Variants in COQ5 observed in about 807,000 individuals in gnomAD.
COQ5 encodes 2-methoxy-6-polyprenyl-1,4-benzoquinol methylase, mitochondrial.
COQ5 carries 27 observed loss-of-function variants against 40.5 expected under a neutral mutation model. That is an observed-to-expected ratio of 0.67 (90% CI 0.49 to 0.92). COQ5 has a LOEUF of 0.92. Among genes scored for constraint, COQ5 ranks in the 40% least tolerant of loss-of-function variants. COQ5 has a pLI of 0.00. For synonymous variants in COQ5, 141 were observed against 150.0 expected (o/e 0.94, Z 0.44); for missense variants, 409 against 406.4 (o/e 1.01, Z -0.06).
intron 1 of COQ5, 82 bp downstream of exon 1, chr12:120,528,858 T>C (rs375196065): frequency 3.9e-6 from 5 of 1,267,488 alleles, no homozygotes. Context: ...ACTAATTGGA[T>C]GTTAAATCAA....
chr12:120,527,959 C>A (rs1274541498), intron 1 of COQ5, among the ~76,000 whole-genome samples: 1 of 121,288 alleles, frequency 8.2e-6, no homozygotes, highest in Non-Finnish European at 1.6e-5. Context: ...TGCCTTCCAG[C>A]CTGGGGGTGA....
chr12:120,519,947 C>A (rs1452326630), intron 2 of COQ5, among the ~76,000 whole-genome samples: 3 of 151,556 alleles, frequency 2.0e-5, no homozygotes, highest in Non-Finnish European at 4.4e-5. Flanking sequence ...CTAAATTACC[C>A]TCTACAGAGC....
intron 2 of COQ5, 127 bp downstream of exon 2, chr12:120,522,087 G>T (rs1228691985): frequency 2.2e-6 from 2 of 907,788 alleles, no homozygotes; most frequent in Non-Finnish European, 1.7e-6. Flanking sequence ...TTTCTCAGAA[G>T]TTATAAGTAT....
intron 1 of COQ5, chr12:120,526,484 C>T (rs1268816510): frequency 2.2e-6 from 1 of 455,160 alleles, no homozygotes; most frequent in Non-Finnish European, 4.4e-6. Context: ...GGAGCTGTGA[C>T]AAAAAGGTTG....
chr12:120,509,101 C>A (rs1323698630), intron 4 of COQ5, among the ~76,000 whole-genome samples: 1 of 151,958 alleles, frequency 6.6e-6, no homozygotes, highest in Admixed American at 6.6e-5. Context: ...GCAAACCAAG[C>A]TGATGAACAC....
At chr12:120,519,707 C>T (rs1443601887) in intron 2 of COQ5, among the ~76,000 whole-genome samples, 1 of 151,942 alleles carries the variant, frequency 6.6e-6, no homozygotes, top group African/African-American at 2.4e-5. Flanking sequence ...TCCGTCTCTA[C>T]TAAAAATACA....
At chr12:120,516,523 A>T in intron 3 of COQ5, 44 bp downstream of exon 3, 1 of 1,443,256 alleles carries the variant, frequency 6.9e-7, no homozygotes, top group South Asian at 1.1e-5. Flanking sequence ...TTATTCTATA[A>T]AGATACAAAT....
At chr12:120,512,531 C>T (rs1384974679) in intron 3 of COQ5, among the ~76,000 whole-genome samples, 7 of 150,488 alleles carry the variant, frequency 4.7e-5, no homozygotes, top group Admixed American at 2.6e-4. Context: ...AACCGGGAGG[C>T]GGAGGTTGCA....
intron 4 of COQ5, among the ~76,000 whole-genome samples, chr12:120,505,807 C>T (rs982059655): frequency 4.6e-5 from 7 of 151,888 alleles, no homozygotes; most frequent in Non-Finnish European, 8.8e-5. Context: ...CTGCCAGCCT[C>T]GGCCTCCCAA....
Position 120,504,929 on chromosome 12 carries a change from C to A in COQ5, c.736G>T (p.Glu246Ter), listed in dbSNP as rs749890516. ...LKPGGRFLCLEFSQVNNPLIS... is the reference protein window; with the variant it reads ...LKPGGRFLCL ...AGGGGATTGTTCACTTGGCTAAATTCCAGACAGAGAAACCGTCCTCCTGGT... is the reference window on the plus strand; with the variant it reads ...AGGGGATTGTTCACTTGGCTAAATTACAGACAGAGAAACCGTCCTCCTGGT... Residue 246 changes from glutamate (E) to a stop codon, truncating the protein, a stop_gained, in exon 5 of 7, where the codon GAA becomes TAA. Coordinates refer to ENST00000288532, the MANE Select transcript of COQ5 (RefSeq NM_032314.4). LOFTEE classifies it high-confidence loss of function. 5 of 1,614,036 alleles carry A rather than the reference C, an allele frequency of 3.1e-6. No homozygotes were observed. The highest frequency in any genetic ancestry group is 4.2e-6 in the Non-Finnish European group (5 of 1,180,042).
At chr12:120,509,234 A>T (rs1362407283) in intron 4 of COQ5, among the ~76,000 whole-genome samples, 2 of 150,892 alleles carry the variant, frequency 1.3e-5, no homozygotes, top group Non-Finnish European at 3.0e-5. Context: ...GTAGGAATAA[A>T]GGCCAGGCAT....
chr12:120,510,617 G>A (rs1869087248), intron 3 of COQ5, among the ~76,000 whole-genome samples: 1 of 152,112 alleles, frequency 6.6e-6, no homozygotes, highest in Non-Finnish European at 1.5e-5. Flanking sequence ...CCTGGCCTGT[G>A]TATTCTTGAA....
chr12:120,504,076 T>A lies in COQ5; in HGVS notation c.776A>T (p.Tyr259Phe), dbSNP rs199710656. 5 of 1,591,962 alleles carry A rather than the reference T, an allele frequency of 3.1e-6. No individual in the cohort carries two copies. The African/African-American group carries it at 5.4e-5, about 17-fold the overall frequency. ...GATGACCTGGAAGCTATATAGATCA[T>A]AAAGCCTAGGCAAACAAAAAGGTAA... The part of the protein sequence containing the change: ...QVNNPLISRL[Y>F]DLYSFQVIPV... Residue 259 changes from tyrosine to phenylalanine, a missense_variant, in exon 6 of 7, where the codon TAT (tyrosine) becomes TTT (phenylalanine). Tyr to Phe is a conservative substitution (Grantham distance 22, BLOSUM62 3). Transcript: ENST00000288532.
At chr12:120,520,081 C>T (rs1393713935) in intron 2 of COQ5, among the ~76,000 whole-genome samples, 3 of 151,586 alleles carry the variant, frequency 2.0e-5, no homozygotes, top group Non-Finnish European at 2.9e-5. Context: ...ATTACTCTAT[C>T]GTTACTAATT....
At chr12:120,505,977 T>C (rs1868866776) in intron 4 of COQ5, among the ~76,000 whole-genome samples, 1 of 152,040 alleles carries the variant, frequency 6.6e-6, no homozygotes, top group Non-Finnish European at 1.5e-5. Flanking sequence ...TGCCTCAGAC[T>C]CCCAGGTAGC....
chr12:120,517,245 G>A (rs1869418907), intron 2 of COQ5, among the ~76,000 whole-genome samples: 1 of 151,476 alleles, frequency 6.6e-6, no homozygotes. Flanking sequence ...CCAGCTACTT[G>A]GGAGCCTGCG....
Position 120,503,758 on chromosome 12 carries a change from G to A in COQ5, c.*26C>T, listed in dbSNP as rs567799009. ...CCAGGCTTTCAACAGGATATGACTG[G>A]TTCATGCTCCATGATAGGAAAGGAA... On this transcript the variant is annotated 3_prime_UTR_variant, in exon 7 of 7. Transcript: ENST00000288532. 6.5e-7 allele frequency: 1 copy of A among 1,547,584 alleles called. No homozygotes were observed. The highest frequency in any genetic ancestry group is 1.4e-5 in the African/African-American group (1 of 73,680).
At chr12:120,505,745 G>A (rs1868852878) in intron 4 of COQ5, among the ~76,000 whole-genome samples, 1 of 151,624 alleles carries the variant, frequency 6.6e-6, no homozygotes, top group African/African-American at 2.4e-5. Flanking sequence ...TAGTAGAGAC[G>A]GGGTTTCTCC....
At chr12:120,525,967 C>T (rs1343578179) in intron 1 of COQ5, among the ~76,000 whole-genome samples, 1 of 151,722 alleles carries the variant, frequency 6.6e-6, no homozygotes, top group South Asian at 2.1e-4. Flanking sequence ...AGCAAATAGT[C>T]CTGGCTTTGC....
Sources: gnomAD v4.1 joint callset for allele counts (sites outside exome capture counted in the v4.1 genomes callset) on GRCh38, gnomAD v4.1.1 for gene constraint, MANE v1.5 for transcripts, NCBI Gene and HGNC (gene_info 2026-07-23, HGNC 2026-07-21) for gene names.